KIF1B: variants seen among roughly 807,000 people sequenced by gnomAD.
KIF1B encodes the protein kinesin-like protein KIF1B.
KIF1B carries 76 observed loss-of-function variants against 241.9 expected under a neutral mutation model. The ratio of observed to expected loss-of-function variants is 0.31; its 90% CI spans 0.26 to 0.38. The LOEUF (loss-of-function observed/expected upper bound fraction) is 0.38. Ranked by LOEUF, KIF1B falls within the 10% of genes least tolerant of loss-of-function variation. The pLI is 1.00. For missense variants in KIF1B, 1,622 were observed against 2,271.4 expected, an observed-to-expected ratio of 0.71 and a Z score of 5.81; for synonymous variants, 750 against 796.7, an observed-to-expected ratio of 0.94 and a Z score of 0.99.
Position 10,377,584 on chromosome 1 carries a change from C to T in KIF1B, c.*997C>T, listed in dbSNP as rs1638921354. ...AGTGCCATGTCATACACAAATGTTC[C>T]ACAAGGCGGGAGTGTTTCACTTTCT... On this transcript the variant is annotated 3_prime_UTR_variant, in exon 49 of 49. Transcript: ENST00000676179. 4.6e-6 allele frequency: 1 copy of T among 218,100 alleles called. No individual in the cohort carries two copies. The highest frequency in any genetic ancestry group is 5.8e-5 in the Admixed American group (1 of 17,192). 13.5% of individuals were successfully genotyped at this position (218,100 alleles called of 1,614,324 possible). A position where few individuals can be genotyped will look rare whatever the true frequency, so the allele number is the denominator to read the frequency against.
At chr1:10,262,100 A>G in intron 5 of KIF1B, 130 bp downstream of exon 5, 3 of 740,412 alleles carry the variant, frequency 4.1e-6, no homozygotes, top group Non-Finnish European at 7.2e-6. Flanking sequence ...CTTTCAGGCT[A>G]TTTCTGGGTT....
chr1:10,238,774 A>G (rs1181139481), intron 2 of KIF1B, among the ~76,000 whole-genome samples: 3 of 152,164 alleles, frequency 2.0e-5, no homozygotes, highest in South Asian at 2.1e-4. Flanking sequence ...TTAAATTTGT[A>G]TACTTTTTTT....
At chr1:10,333,031 C>T (rs1391953451) in intron 27 of KIF1B, among the ~76,000 whole-genome samples, 7 of 150,980 alleles carry the variant, frequency 4.6e-5, no homozygotes, top group South Asian at 2.1e-4. Flanking sequence ...AGGCTGGTCT[C>T]GAACTCCTGG....
At chr1:10,297,461 T>G (rs1035552940) in intron 22 of KIF1B, among the ~76,000 whole-genome samples, 1 of 152,244 alleles carries the variant, frequency 6.6e-6, no homozygotes, top group Admixed American at 6.5e-5. Flanking sequence ...TTTTTATGTC[T>G]TAAAGCCAAA....
intron 22 of KIF1B, among the ~76,000 whole-genome samples, chr1:10,313,548 ATT>A (rs33994083): frequency 9.1e-5 from 11 of 121,398 alleles, no homozygotes; most frequent in Non-Finnish European, 1.0e-4. Flanking sequence ...ACTAGTTAGG[ATT>A]TTTTTTTTTT....
chr1:10,272,789 AT>A (rs549647454), intron 9 of KIF1B, among the ~76,000 whole-genome samples: 2,828 of 147,842 alleles, frequency 0.019, 41 homozygotes, highest in Non-Finnish European at 0.028. Context: ...AACTAAAACT[AT>A]TTTTTTTAAA....
At chr1:10,263,107 A>T (rs971403480) in intron 5 of KIF1B, among the ~76,000 whole-genome samples, 1 of 151,782 alleles carries the variant, frequency 6.6e-6, no homozygotes, top group African/African-American at 2.4e-5. Context: ...ACCTGGCAAA[A>T]CCCTGTCTCT....
chr1:10,267,752 T>C (rs987506362), intron 6 of KIF1B, among the ~76,000 whole-genome samples, 194 bp downstream of exon 6: 3 of 152,242 alleles, frequency 2.0e-5, no homozygotes, highest in Non-Finnish European at 4.4e-5. Flanking sequence ...AGTACATTGC[T>C]GAAACATGTT....
rs767973481 is a variant in KIF1B at position 10,278,080 on chromosome 1, C to T, written c.1132C>T (p.Arg378Trp). ...TCGTGAATTAAAGGAGGAGGTGACA[C>T]GGCTGAAGGACCTTCTTCGTGCTCA... ...LVRELKEEVTRLKDLLRAQGL... is the reference protein window; with the variant it reads ...LVRELKEEVTWLKDLLRAQGL... The change falls in exon 13 of 49, where the codon CGG becomes TGG. Residue 378 changes from arginine to tryptophan, a missense_variant. Arg to Trp is a moderately radical substitution (Grantham distance 101). Around this residue, in one of 7 missense-constraint regions of KIF1B, gnomAD observed 201 missense variants for 301.2 expected, o/e 0.67. Coordinates refer to ENST00000676179, the MANE Select transcript of KIF1B (RefSeq NM_001365951.3). The T allele has an allele frequency of 6.8e-6, 11 of 1,613,834 alleles. No individual in the cohort carries two copies. Among genetic ancestry groups the T allele is most frequent in the Admixed American group, 3.3e-5 (2 of 59,992 alleles).
chr1:10,252,922 A>T (rs1171781810), intron 2 of KIF1B, among the ~76,000 whole-genome samples: 2 of 151,930 alleles, frequency 1.3e-5, no homozygotes, highest in African/African-American at 4.8e-5. Context: ...ATGGGGTTTC[A>T]CCATGTTGGA....
Position 10,368,386 on chromosome 1 carries a change from G to A in KIF1B, c.4753-81G>A. Reference sequence around the variant, plus strand: ...TCCCCGGGAACTCAGCCCTTCAGGAGCCTCCACGTGGTCAGCTATCCCAAG... The same window carrying A: ...TCCCCGGGAACTCAGCCCTTCAGGAACCTCCACGTGGTCAGCTATCCCAAG... On this transcript the variant is annotated intron_variant, in intron 43 of 48. Transcript: ENST00000676179. The A allele has an allele frequency of 2.6e-6, 3 of 1,160,486 alleles. No homozygotes were observed. In the Admixed American group the frequency reaches 5.1e-5, roughly 20 times the overall value. The allele number at this position is 1,160,486 out of a possible 1,614,324, so 71.9% of individuals were successfully genotyped here. A position where few individuals can be genotyped will look rare whatever the true frequency, so the allele number is the denominator to read the frequency against.
At position 10,258,284 on chromosome 1, in the gene KIF1B, C is replaced by CT. The variant is rs200416419; in HGVS notation, c.184-208dup. On this transcript the variant is annotated intron_variant, in intron 3 of 48. Transcript: ENST00000676179. The stretch of plus-strand genomic sequence containing the variant: ...TTATGTATGGCTGACCTGGATGACT[C>CT]TAACAGTGCATGTGTTTGTGAGTGT... Among the ~76,000 whole-genome samples, 306 of 152,164 alleles carry CT rather than the reference C, an allele frequency of 2.0e-3. 6 individuals carry two copies. In the East Asian group the frequency reaches 0.05, roughly 25 times the overall value.
intron 15 of KIF1B, among the ~76,000 whole-genome samples, chr1:10,287,342 G>A (rs1445989330): frequency 6.6e-6 from 1 of 152,142 alleles, no homozygotes; most frequent in Non-Finnish European, 1.5e-5. Flanking sequence ...GACTACAGGT[G>A]CGTGCCACTG....
chr1:10,376,485 G>T, intron 48 of KIF1B, 60 bp from the exon 49 acceptor site: 1 of 1,535,556 alleles, frequency 6.5e-7, no homozygotes, highest in Non-Finnish European at 9.0e-7. Flanking sequence ...GGAGAGGACT[G>T]TGAGGGGACA....
Position 10,377,660 on chromosome 1 carries a change from C to T in KIF1B, c.*1073C>T, listed in dbSNP as rs949177171. 3.1e-5 allele frequency: 6 copies of T among 196,206 alleles called. No individual in the cohort carries two copies. Among genetic ancestry groups the T allele is most frequent in the African/African-American group, 4.6e-5 (2 of 43,372 alleles). 12.2% of individuals were successfully genotyped at this position (196,206 alleles called of 1,614,324 possible). ...ATGATTAAGATAATGCCGGGCAGGC[C>T]GGGCACAGTGGCTCACGCCTGTAAT... On this transcript the variant is annotated 3_prime_UTR_variant, in exon 49 of 49. Coordinates refer to ENST00000676179, the MANE Select transcript of KIF1B (RefSeq NM_001365951.3).
At chr1:10,270,335 A>G (rs1214654499) in intron 7 of KIF1B, among the ~76,000 whole-genome samples, 2 of 152,196 alleles carry the variant, frequency 1.3e-5, no homozygotes, top group Non-Finnish European at 1.5e-5. Flanking sequence ...ATGGAATCAT[A>G]GAGTATGTAC....
intron 2 of KIF1B, among the ~76,000 whole-genome samples, chr1:10,242,124 A>G (rs1647146417): frequency 6.6e-6 from 1 of 152,162 alleles, no homozygotes; most frequent in African/African-American, 2.4e-5. Flanking sequence ...ACCTATAGGA[A>G]ATTAGGTTTT....
Position 10,345,891 on chromosome 1 carries a change from G to A in KIF1B, c.3735G>A (p.Gln1245=). The change falls in exon 35 of 49, where the codon CAG becomes CAA. Residue 1245 remains glutamine (Q), a synonymous_variant. Transcript: ENST00000676179. ...CGATGAGCAAAACCAGCCTTGGCCA[G>A]AGCATGAGCAAGTATGACCTCCTGG... ...LNTMSKTSLG[Q]SMSKYDLLVW... is the part of the protein sequence containing the mutation. 1.2e-6 allele frequency: 2 copies of A among 1,614,158 alleles called. No homozygotes were observed. The highest frequency in any genetic ancestry group is 1.7e-6 in the Non-Finnish European group (2 of 1,180,012).
At chr1:10,371,674 G>T (rs145435974) in intron 45 of KIF1B, among the ~76,000 whole-genome samples, 5 of 152,330 alleles carry the variant, frequency 3.3e-5, no homozygotes, top group Admixed American at 2.0e-4. Context: ...GCCAGGTGAG[G>T]TGGCTCCCAG....
Sources: allele counts gnomAD v4.1 joint callset (sites outside exome capture counted in the v4.1 genomes callset), GRCh38; gene constraint gnomAD v4.1.1; regional missense constraint gnomAD v4.1.1; transcripts MANE v1.5; gene names NCBI Gene and HGNC (gene_info 2026-07-23, HGNC 2026-07-21).